AP2A1: variants seen among roughly 807,000 people sequenced by gnomAD.
AP2A1 encodes the protein adaptor related protein complex 2 subunit alpha 1.
Under a neutral mutation model 107.3 loss-of-function variants are expected in AP2A1, and 21 were observed. The observed-to-expected ratio is 0.20, with a 90% CI of 0.14 to 0.28. AP2A1 has a LOEUF of 0.28. AP2A1 is among the 10% of genes least tolerant of loss of function. The pLI is 1.00. For missense variants in AP2A1, 873 were observed against 1,307.7 expected, an observed-to-expected ratio of 0.67 and a Z score of 5.13; for synonymous variants, 602 against 564.8, an observed-to-expected ratio of 1.07 and a Z score of -0.93.
rs1207459051 is a variant in AP2A1, at chr19:49,785,881, C to T, written c.473+3157C>T. 6.6e-6 allele frequency among the ~76,000 whole-genome samples: 1 copy of T among 151,702 alleles called. No individual in the cohort carries two copies. Among genetic ancestry groups the T allele is most frequent in the Admixed American group, 6.6e-5 (1 of 15,210 alleles). Reference sequence around the variant, plus strand: ...GCAGTGAGTGGAGATTGTGCCACTGCACTCCAGCCTGGGTGACAGAGCGAG... The same window carrying T: ...GCAGTGAGTGGAGATTGTGCCACTGTACTCCAGCCTGGGTGACAGAGCGAG... On this transcript the variant is annotated intron_variant, in intron 4 of 22. Coordinates refer to ENST00000354293, the MANE Select transcript of AP2A1 (RefSeq NM_130787.3). The surrounding 1 kb of genome is among the most constrained non-coding windows in gnomAD (Gnocchi z 4.1).
chr19:49,805,303 A>T, intron 18 of AP2A1, 150 bp from the exon 19 acceptor site: 2 of 938,592 alleles, frequency 2.1e-6, no homozygotes, highest in Non-Finnish European at 3.0e-6. Context: ...TGAACTTTGT[A>T]GTTGAACCTT....
intron 4 of AP2A1, among the ~76,000 whole-genome samples, chr19:49,786,374 G>T (rs2084736855): frequency 6.6e-6 from 1 of 152,250 alleles, no homozygotes; most frequent in South Asian, 2.1e-4. Context: ...TTTGACATCT[G>T]TGTTTGGTGC....
chr19:49,803,044 G>A (rs777583540), intron 16 of AP2A1, 39 bp downstream of exon 16: 2 of 1,613,746 alleles, frequency 1.2e-6, no homozygotes, highest in East Asian at 2.2e-5. Context: ...AACGGGACAG[G>A]TGCGGAGCCC....
intron 1 of AP2A1, among the ~76,000 whole-genome samples, chr19:49,774,081 C>G (rs2084592419): frequency 6.6e-6 from 1 of 152,154 alleles, no homozygotes; most frequent in Non-Finnish European, 1.5e-5. Context: ...TCCCTCTGGC[C>G]TCTGTGAAGA....
At position 49,799,313 on chromosome 19, in the gene AP2A1, GC is replaced by G; in HGVS notation, c.966-10del. ...TTTCTCTCACCATCCCTCTCTTGTG[GC>G]CCCTGCTGGCAGTGAGCCCAACCTC... On this transcript the variant is annotated splice_polypyrimidine_tract_variant and intron_variant, in intron 8 of 22. Coordinates refer to ENST00000354293, the MANE Select transcript of AP2A1 (RefSeq NM_130787.3). 6.2e-7 allele frequency: 1 copy of G among 1,606,646 alleles called. No homozygotes were observed. Among genetic ancestry groups the G allele is most frequent in the Non-Finnish European group, 8.5e-7 (1 of 1,178,918 alleles).
chr19:49,768,464 T>C (rs2084525720), intron 1 of AP2A1, among the ~76,000 whole-genome samples: 1 of 152,150 alleles, frequency 6.6e-6, no homozygotes, highest in Non-Finnish European at 1.5e-5. Context: ...CCTGAGGGGC[T>C]TGTGACAATG....
intron 4 of AP2A1, among the ~76,000 whole-genome samples, chr19:49,783,253 CT>C (rs1407532823): frequency 2.0e-5 from 3 of 152,146 alleles, no homozygotes; most frequent in Non-Finnish European, 4.4e-5. Context: ...TTTGGGGAGG[CT>C]GAGGCAGGTA....
intron 6 of AP2A1, among the ~76,000 whole-genome samples, chr19:49,793,377 G>A (rs1303195630): frequency 6.6e-6 from 1 of 152,126 alleles, no homozygotes; most frequent in East Asian, 1.9e-4. Flanking sequence ...ACAGGGCCTC[G>A]CGGGCCGAGC....
intron 1 of AP2A1, among the ~76,000 whole-genome samples, chr19:49,770,702 G>C (rs2084547578): frequency 1.3e-5 from 2 of 152,172 alleles, no homozygotes; most frequent in Admixed American, 1.3e-4. Flanking sequence ...ATGACACCAA[G>C]TGAAAGAAGC....
At chr19:49,783,266 A>G (rs1420070491) in intron 4 of AP2A1, among the ~76,000 whole-genome samples, 1 of 152,158 alleles carries the variant, frequency 6.6e-6, no homozygotes, top group Admixed American at 6.5e-5. Context: ...AGGCAGGTAG[A>G]TTGCTTGAGT....
At position 49,799,620 on chromosome 19, in the gene AP2A1, C is replaced by A; in HGVS notation, c.1135-9C>A. The A allele has an allele frequency of 6.2e-7, 1 of 1,607,776 alleles. No individual in the cohort carries two copies. Among genetic ancestry groups the A allele is most frequent in the African/African-American group, 1.3e-5 (1 of 75,052 alleles). On this transcript the variant is annotated splice_polypyrimidine_tract_variant and intron_variant, in intron 9 of 22. Transcript: ENST00000354293. ...TAAAACACACCTGGGCTCTGCTCTC[C>A]GCCCTCAGACGGAGCGGGACGTCAG...
chr19:49,768,994 C>T (rs1169342629), intron 1 of AP2A1, among the ~76,000 whole-genome samples: 2 of 152,120 alleles, frequency 1.3e-5, no homozygotes, highest in African/African-American at 4.8e-5. Flanking sequence ...TCATGCCTGT[C>T]ATCCCAGCAC....
rs145767380 is a variant in AP2A1 at position 49,799,483 on chromosome 19, C to T, written c.1122C>T (p.Ile374=). The change falls in exon 9 of 23, where the codon ATC becomes ATT. Residue 374 remains isoleucine (I), a synonymous_variant. Coordinates refer to ENST00000354293, the MANE Select transcript of AP2A1 (RefSeq NM_130787.3). ...EAVKTHIDTV[I]NALKTERDVS... ...TCAAGACGCACATTGACACCGTCAT[C>T]AATGCCCTCAAGGTGTGAGCCCTTG... is the stretch of plus-strand genomic sequence containing the variant. 7 of 1,611,378 alleles carry T rather than the reference C, an allele frequency of 4.3e-6. No homozygotes were observed. Among genetic ancestry groups the T allele is most frequent in the Non-Finnish European group, 5.9e-6 (7 of 1,179,512 alleles).
chr19:49,794,724 G>A (rs1316411391), intron 6 of AP2A1, among the ~76,000 whole-genome samples: 3 of 151,940 alleles, frequency 2.0e-5, no homozygotes, highest in African/African-American at 4.8e-5. Flanking sequence ...GTGCAATGGC[G>A]TGATCTTGGC....
At chr19:49,791,613 A>G (rs1012955962) in intron 4 of AP2A1, among the ~76,000 whole-genome samples, 1 of 151,814 alleles carries the variant, frequency 6.6e-6, no homozygotes, top group Admixed American at 6.6e-5. Context: ...TTTATTCACC[A>G]CTCTATCCAT....
intron 4 of AP2A1, among the ~76,000 whole-genome samples, chr19:49,784,604 G>A (rs1257061015): frequency 6.6e-6 from 1 of 152,150 alleles, no homozygotes; most frequent in African/African-American, 2.4e-5. Flanking sequence ...GCCAGGCACA[G>A]TAGTGGCTTA....
Position 49,806,158 on chromosome 19 carries a change from C to T in AP2A1, c.2695C>T (p.Pro899Ser). 1 of 1,576,956 alleles carries T rather than the reference C, an allele frequency of 6.3e-7. No homozygotes were observed. Among genetic ancestry groups the T allele is most frequent in the Non-Finnish European group, 8.6e-7 (1 of 1,161,994 alleles). The change falls in exon 22 of 23, where the codon CCC (proline) becomes TCC (serine). Residue 899 changes from proline to serine, a missense_variant. Physicochemically the swap from Pro to Ser is moderately conservative, Grantham distance 74. Transcript: ENST00000354293. ...CTCTGCTCTCCTGGACAATGTGGACCCCAACCCTGAGAACTTCGTGGGGGC... is the reference window on the plus strand; with the variant it reads ...CTCTGCTCTCCTGGACAATGTGGACTCCAACCCTGAGAACTTCGTGGGGGC... ...FGSALLDNVD[P>S]NPENFVGAGI...
chr19:49,806,006 C>T, intron 21 of AP2A1, 65 bp downstream of exon 21: 2 of 1,612,760 alleles, frequency 1.2e-6, no homozygotes, highest in South Asian at 1.1e-5. Context: ...TCTGTTTTCC[C>T]ATCTGTAAAG....
At chr19:49,800,250 CCTT>C (rs946815740) in intron 11 of AP2A1, 100 bp downstream of exon 11, 5 of 1,378,118 alleles carry the variant, frequency 3.6e-6, no homozygotes, top group Middle Eastern at 2.0e-4. Flanking sequence ...CAGCCACCCT[CCTT>C]CTCCTGCACT....
Sources: gnomAD v4.1 joint callset for allele counts (sites outside exome capture counted in the v4.1 genomes callset) on GRCh38, gnomAD v4.1.1 for gene constraint, Gnocchi (gnomAD v3.1) non-coding constraint, MANE v1.5 for transcripts, NCBI Gene and HGNC (gene_info 2026-07-23, HGNC 2026-07-21) for gene names.